Variants in YIPF1 observed in about 807,000 individuals in gnomAD.
YIPF1 encodes protein YIPF1.
Under a neutral mutation model 37.0 loss-of-function variants are expected in YIPF1, and 22 were observed. That is an observed-to-expected ratio of 0.59 (90% CI 0.42 to 0.85). The LOEUF (loss-of-function observed/expected upper bound fraction) is 0.85. Among genes scored for constraint, YIPF1 ranks in the 40% least tolerant of loss-of-function variants. YIPF1 has a pLI of 0.00. For missense variants in YIPF1, 355 were observed against 373.1 expected (o/e 0.95, Z 0.40); for synonymous variants, 128 against 131.9 (o/e 0.97, Z 0.21).
chr1:53,870,113 C>T (rs1188769949), intron 7 of YIPF1, among the ~76,000 whole-genome samples: 2 of 150,928 alleles, frequency 1.3e-5, no homozygotes, highest in African/African-American at 4.9e-5. Flanking sequence ...CCCACCTTGG[C>T]CTCCCAAAGT....
chr1:53,870,163 T>C lies in YIPF1; in HGVS notation c.481+1209A>G, dbSNP rs1165083149. ...CTTGAGCCACCGCACCGGGTCTCTT[T>C]TTTTTTTTTTTTTTTTTTTTTTTTT... On this transcript the variant is annotated intron_variant, in intron 7 of 10. Coordinates refer to ENST00000072644, the MANE Select transcript of YIPF1 (RefSeq NM_018982.5). 2.9e-4 allele frequency among the ~76,000 whole-genome samples: 12 copies of C among 41,258 alleles called. 1 individual carries two copies. The highest frequency in any genetic ancestry group is 1.4e-3 in the African/African-American group (12 of 8,574). The allele number at this position is 41,258 out of a possible 152,430, so 27.1% of individuals were successfully genotyped here.
intron 6 of YIPF1, among the ~76,000 whole-genome samples, chr1:53,877,941 C>T (rs1036272429): frequency 5.9e-5 from 9 of 152,184 alleles, no homozygotes; most frequent in African/African-American, 2.2e-4. Flanking sequence ...AGGCGGCAGC[C>T]ACTGTGCCAA....
intron 1 of YIPF1, 43 bp downstream of exon 1, chr1:53,889,670 C>G (rs1326523899): frequency 6.6e-6 from 1 of 152,406 alleles, no homozygotes; most frequent in African/African-American, 2.4e-5. Context: ...AGATCCTGAA[C>G]CCCCTTAGCC....
At chr1:53,882,977 C>G in intron 4 of YIPF1, 136 bp downstream of exon 4, 2 of 997,072 alleles carry the variant, frequency 2.0e-6, no homozygotes, top group East Asian at 2.9e-5. Flanking sequence ...TTTCCCCCAC[C>G]AAGGAAGAGG....
chr1:53,865,458 T>G (rs954556376), intron 9 of YIPF1, among the ~76,000 whole-genome samples: 1 of 152,222 alleles, frequency 6.6e-6, no homozygotes, highest in Non-Finnish European at 1.5e-5. Context: ...TACATAGCAT[T>G]TACATTGCAC....
chr1:53,880,032 T>C (rs1383983287), intron 4 of YIPF1, among the ~76,000 whole-genome samples: 1 of 152,186 alleles, frequency 6.6e-6, no homozygotes, highest in African/African-American at 2.4e-5. Context: ...TTAGAAGTTC[T>C]GGCCAGGGCA....
chr1:53,883,610 T>C (rs1650562616), intron 3 of YIPF1, among the ~76,000 whole-genome samples: 1 of 152,238 alleles, frequency 6.6e-6, no homozygotes, highest in Non-Finnish European at 1.5e-5. Flanking sequence ...TTATTTTAAA[T>C]AATTTTGGGA....
intron 9 of YIPF1, among the ~76,000 whole-genome samples, chr1:53,862,757 T>G (rs1428643618): frequency 6.6e-6 from 1 of 152,212 alleles, no homozygotes; most frequent in African/African-American, 2.4e-5. Flanking sequence ...TCCATTTACA[T>G]GACTCGTCAT....
intron 10 of YIPF1, among the ~76,000 whole-genome samples, chr1:53,856,738 G>T (rs571541519): frequency 2.0e-5 from 3 of 152,136 alleles, no homozygotes; most frequent in Non-Finnish European, 2.9e-5. Context: ...AGCTTTAATA[G>T]TTCCTATATG....
At chr1:53,865,977 T>C (rs1650010814) in intron 9 of YIPF1, among the ~76,000 whole-genome samples, 1 of 152,166 alleles carries the variant, frequency 6.6e-6, no homozygotes, top group African/African-American at 2.4e-5. Flanking sequence ...AATTTTTGTA[T>C]TTTTAGTAGA....
intron 7 of YIPF1, among the ~76,000 whole-genome samples, chr1:53,869,176 A>T (rs1208310022): frequency 1.3e-5 from 2 of 151,880 alleles, no homozygotes; most frequent in South Asian, 2.1e-4. Flanking sequence ...ACACACACAC[A>T]CACACACACA....
chr1:53,865,325 A>C (rs906729559), intron 9 of YIPF1, among the ~76,000 whole-genome samples: 4 of 152,138 alleles, frequency 2.6e-5, no homozygotes, highest in Admixed American at 6.6e-5. Context: ...CCACATCCAC[A>C]GGCTCAGCAT....
intron 10 of YIPF1, among the ~76,000 whole-genome samples, chr1:53,858,682 T>C (rs996839924): frequency 1.3e-5 from 2 of 152,156 alleles, no homozygotes; most frequent in African/African-American, 4.8e-5. Context: ...TCATCCAGGC[T>C]AGAATGCAGT....
At position 53,870,166 on chromosome 1, in the gene YIPF1, T is replaced by C. The variant is rs1300335322; in HGVS notation, c.481+1206A>G. Reference sequence around the variant, plus strand: ...GAGCCACCGCACCGGGTCTCTTTTTTTTTTTTTTTTTTTTTTTTTTTTTGA... The same window carrying C: ...GAGCCACCGCACCGGGTCTCTTTTTCTTTTTTTTTTTTTTTTTTTTTTTGA... On this transcript the variant is annotated intron_variant, in intron 7 of 10. Transcript: ENST00000072644. 4.4e-4 allele frequency among the ~76,000 whole-genome samples: 18 copies of C among 41,120 alleles called. 2 individuals are homozygous for C. The highest frequency in any genetic ancestry group is 2.0e-3 in the African/African-American group (17 of 8,512). The allele number at this position is 41,120 out of a possible 152,430, so 27.0% of individuals were successfully genotyped here.
chr1:53,883,673 A>G (rs576337943), intron 3 of YIPF1, among the ~76,000 whole-genome samples: 2 of 152,356 alleles, frequency 1.3e-5, no homozygotes, highest in African/African-American at 2.4e-5. Flanking sequence ...TTCAAGTCCA[A>G]AAAATTTTAA....
chr1:53,879,373 C>T (rs116081803), intron 4 of YIPF1, among the ~76,000 whole-genome samples: 3,815 of 152,204 alleles, frequency 0.025, 174 homozygotes, highest in African/African-American at 0.088. Context: ...GGATTACAAG[C>T]GTGAGCCACT....
intron 9 of YIPF1, among the ~76,000 whole-genome samples, chr1:53,864,141 C>T (rs997500931): frequency 2.3e-4 from 35 of 152,212 alleles, no homozygotes; most frequent in African/African-American, 8.4e-4. Flanking sequence ...AATGCCTCCT[C>T]TCCTGCCTCC....
intron 4 of YIPF1, among the ~76,000 whole-genome samples, chr1:53,880,068 G>C (rs1650448694): frequency 6.6e-6 from 1 of 151,982 alleles, no homozygotes; most frequent in Admixed American, 6.6e-5. Flanking sequence ...CAAATAAAGG[G>C]TATTCAAATA....
In YIPF1 at chr1:53,878,306, T is replaced by C. The variant is rs1247066374; in HGVS notation, c.364+9A>G. 6.2e-7 allele frequency: 1 copy of C among 1,613,320 alleles called. No homozygotes were observed. Among genetic ancestry groups the C allele is most frequent in the Admixed American group, 1.7e-5 (1 of 59,904 alleles). On this transcript the variant is annotated intron_variant, in intron 6 of 10. Transcript: ENST00000072644. The stretch of plus-strand genomic sequence containing the variant: ...TGAAATACGGTAAACAAATCAGTAC[T>C]AAACATACCATAGAGATCTGGATTG...
Sources: allele counts gnomAD v4.1 joint callset (sites outside exome capture counted in the v4.1 genomes callset), GRCh38; gene constraint gnomAD v4.1.1; transcripts MANE v1.5; gene names NCBI Gene and HGNC (gene_info 2026-07-23, HGNC 2026-07-21).